The following CRACD variants were observed in gnomAD, a reference collection of about 807,000 sequenced individuals.
The protein encoded by CRACD is capping protein inhibiting regulator of actin dynamics.
CRACD carries 56 observed loss-of-function variants against 106.8 expected under a neutral mutation model. That is an observed-to-expected ratio of 0.52 (90% CI 0.42 to 0.66). CRACD has a LOEUF of 0.66. CRACD is among the 30% of genes least tolerant of loss of function. The pLI is 0.00. For missense variants in CRACD, 1,730 were observed against 1,623.2 expected (o/e 1.07, Z -1.13); for synonymous variants, 754 against 670.8 (o/e 1.12, Z -1.92).
At chr4:56,288,731 T>TA (rs1228152035) in intron 3 of CRACD, 2 of 151,168 alleles carry the variant, frequency 1.3e-5, no homozygotes, top group Non-Finnish European at 3.0e-5. Flanking sequence ...AATGGGGACT[T>TA]ACGGCACACC....
intron 1 of CRACD, among the ~76,000 whole-genome samples, chr4:56,052,144 C>T (rs368133898): frequency 3.9e-5 from 6 of 152,232 alleles, no homozygotes; most frequent in Admixed American, 3.3e-4. Flanking sequence ...CTGCCTTGGC[C>T]TCCCAAAATA....
chr4:56,321,217 G>A, intron 8 of CRACD: 1 of 258,012 alleles, frequency 3.9e-6, no homozygotes, highest in Non-Finnish European at 7.7e-6. Flanking sequence ...TTTTTGAGAA[G>A]TGTCAAGAGA....
chr4:56,290,030 C>G (rs1229876928), intron 3 of CRACD, among the ~76,000 whole-genome samples: 2 of 152,178 alleles, frequency 1.3e-5, no homozygotes, highest in African/African-American at 4.8e-5. Context: ...AGGGCTGTCC[C>G]TGTCATCGCT....
chr4:56,286,481 G>A (rs192475941), intron 3 of CRACD, among the ~76,000 whole-genome samples: 150 of 131,970 alleles, frequency 1.1e-3, no homozygotes, highest in Middle Eastern at 5.0e-3. Flanking sequence ...AGCCGAGATC[G>A]CGCCACTGCA....
Position 56,308,016 on chromosome 4 carries a change from G to A in CRACD, c.285+317G>A, listed in dbSNP as rs144651196. On this transcript the variant is annotated intron_variant, in intron 5 of 10. Coordinates refer to ENST00000682029, the MANE Select transcript of CRACD (RefSeq NM_001393381.1). ...TACTGTCTTCTTGTGCCTTTGCTGT[G>A]TGTCTTTACCATTTTTCACACGTCT... is the stretch of plus-strand genomic sequence containing the variant. Among the ~76,000 whole-genome samples the A allele has an allele frequency of 1.3e-3, 205 of 152,268 alleles. 3 individuals carry two copies. Among genetic ancestry groups the A allele is most frequent in the African/African-American group, 4.6e-3 (191 of 41,538 alleles).
intron 1 of CRACD, among the ~76,000 whole-genome samples, chr4:56,153,465 C>T (rs1735656772): frequency 6.6e-6 from 1 of 152,136 alleles, no homozygotes; most frequent in Non-Finnish European, 1.5e-5. Flanking sequence ...ATTTTACCTC[C>T]GAGATGTGGT....
Position 56,108,391 on chromosome 4 carries a change from A to C in CRACD, c.-336+59092A>C, listed in dbSNP as rs973357453. Among the ~76,000 whole-genome samples, 121 of 152,192 alleles carry C rather than the reference A, an allele frequency of 8.0e-4. 5 individuals are homozygous for C. The highest frequency in any genetic ancestry group is 7.9e-3 in the Admixed American group (121 of 15,284). On this transcript the variant is annotated intron_variant, in intron 1 of 10. Transcript: ENST00000682029. ...CATGAGAAAACACCAGAAAAATTCA[A>C]ATTGGGAGAATATAAAATACAATGA...
chr4:56,193,212 A>T (rs1302796347), intron 2 of CRACD, among the ~76,000 whole-genome samples: 1 of 152,170 alleles, frequency 6.6e-6, no homozygotes, highest in East Asian at 1.9e-4. Context: ...CTTATTCATT[A>T]TCATGAGAAC....
intron 3 of CRACD, among the ~76,000 whole-genome samples, chr4:56,292,575 A>G (rs1014693399): frequency 6.6e-6 from 1 of 151,556 alleles, no homozygotes; most frequent in Non-Finnish European, 1.5e-5. Context: ...CCCAGGCTGG[A>G]GTGCAGTGGC....
intron 10 of CRACD, among the ~76,000 whole-genome samples, chr4:56,327,031 C>T (rs1014923538): frequency 2.6e-5 from 4 of 152,144 alleles, no homozygotes; most frequent in African/African-American, 7.2e-5. Flanking sequence ...TGATCCACCA[C>T]GCCTGGCCAG....
At chr4:56,318,652 A>T (rs1400044079) in intron 8 of CRACD, among the ~76,000 whole-genome samples, 1 of 152,110 alleles carries the variant, frequency 6.6e-6, no homozygotes, top group Non-Finnish European at 1.5e-5. Flanking sequence ...ACACTCTGCT[A>T]TTTGAATTTT....
intron 2 of CRACD, among the ~76,000 whole-genome samples, chr4:56,270,055 G>A (rs938205189): frequency 3.3e-5 from 5 of 152,118 alleles, no homozygotes; most frequent in Non-Finnish European, 1.5e-5. Flanking sequence ...ACACAACGTC[G>A]TTTCAGGGGA....
chr4:56,079,314 A>G (rs1477223927), intron 1 of CRACD, among the ~76,000 whole-genome samples: 1 of 151,252 alleles, frequency 6.6e-6, no homozygotes, highest in Admixed American at 6.6e-5. Context: ...TTCTGGAAGG[A>G]AGATTTCAAA....
At chr4:56,136,524 C>A (rs1735005316) in intron 1 of CRACD, among the ~76,000 whole-genome samples, 1 of 152,132 alleles carries the variant, frequency 6.6e-6, no homozygotes, top group Admixed American at 6.5e-5. Context: ...TGTTAAACAT[C>A]TTTTCGTGTA....
intron 1 of CRACD, among the ~76,000 whole-genome samples, chr4:56,161,385 T>G (rs539074229): frequency 8.5e-5 from 13 of 152,302 alleles, no homozygotes; most frequent in Non-Finnish European, 1.5e-4. Context: ...TGAGAATGAT[T>G]TTTTTTACAC....
At chr4:56,095,663 G>C (rs1051547221) in intron 1 of CRACD, among the ~76,000 whole-genome samples, 2 of 152,140 alleles carry the variant, frequency 1.3e-5, no homozygotes, top group Non-Finnish European at 2.9e-5. Context: ...TAGAAGATGA[G>C]GTAACCTGGT....
chr4:56,214,929 G>C (rs1738604489), intron 2 of CRACD, among the ~76,000 whole-genome samples: 1 of 151,378 alleles, frequency 6.6e-6, no homozygotes, highest in African/African-American at 2.4e-5. Flanking sequence ...GAACCCGGGA[G>C]GTGGAGGTTG....
rs115325939 is a variant in CRACD, at chr4:56,118,155, C to T, written c.-335-61129C>T. On this transcript the variant is annotated intron_variant, in intron 1 of 10. Coordinates refer to ENST00000682029, the MANE Select transcript of CRACD (RefSeq NM_001393381.1). Reference sequence around the variant, plus strand: ...CTTTTATCACTAATGACAGAGGAGACGAATGTAATGGGTTAAGATAATACA... The same window carrying T: ...CTTTTATCACTAATGACAGAGGAGATGAATGTAATGGGTTAAGATAATACA... 4.8e-3 allele frequency among the ~76,000 whole-genome samples: 735 copies of T among 152,224 alleles called. 2 individuals carry two copies. Among genetic ancestry groups the T allele is most frequent in the African/African-American group, 0.011 (462 of 41,534 alleles).
chr4:56,194,052 C>G (rs1737498670), intron 2 of CRACD, among the ~76,000 whole-genome samples: 1 of 152,136 alleles, frequency 6.6e-6, no homozygotes, highest in Admixed American at 6.5e-5. Context: ...CATTCTTTTA[C>G]ATAGTGAACT....
Sources: allele counts gnomAD v4.1 joint callset (sites outside exome capture counted in the v4.1 genomes callset), GRCh38; gene constraint gnomAD v4.1.1; transcripts MANE v1.5; gene names NCBI Gene and HGNC (gene_info 2026-07-23, HGNC 2026-07-21).